Variants in ULK4 observed in about 807,000 individuals in gnomAD.
ULK4 encodes the protein inactive serine/threonine-protein kinase ULK4.
A neutral mutation model predicts 160.6 loss-of-function variants in ULK4; 133 were observed. The ratio of observed to expected loss-of-function variants is 0.83; its 90% CI spans 0.72 to 0.96. The LOEUF (loss-of-function observed/expected upper bound fraction) is 0.96. Ranked by LOEUF, ULK4 falls within the 40% of genes least tolerant of loss-of-function variation. The pLI is 0.00. For missense variants in ULK4, 1,580 were observed against 1,499.5 expected (o/e 1.05, Z -0.89); for synonymous variants, 534 against 539.8 (o/e 0.99, Z 0.15).
Position 41,587,129 on chromosome 3 carries a change from G to A in ULK4, c.3121-20999C>T, listed in dbSNP as rs150931108. On this transcript the variant is annotated intron_variant, in intron 31 of 36. Transcript: ENST00000301831. ...GATTGCTAACAGAATTCAGTTGATT[G>A]TGGTTGTAAGACTGAAGTGTCTGTT... Among the ~76,000 whole-genome samples the A allele has an allele frequency of 2.1e-4, 32 of 152,266 alleles. 1 individual carries two copies. In the East Asian group the frequency reaches 6.0e-3, roughly 29 times the overall value.
intron 32 of ULK4, among the ~76,000 whole-genome samples, chr3:41,499,817 T>C (rs1313361331): frequency 6.6e-6 from 1 of 152,200 alleles, no homozygotes; most frequent in Non-Finnish European, 1.5e-5. Context: ...TATGAGAGTT[T>C]TGATTAGTGA....
chr3:41,358,239 C>A (rs2081065363), intron 35 of ULK4, among the ~76,000 whole-genome samples: 1 of 152,164 alleles, frequency 6.6e-6, no homozygotes, highest in African/African-American at 2.4e-5. Flanking sequence ...AAAAACTACT[C>A]ATTTATTTAA....
intron 35 of ULK4, among the ~76,000 whole-genome samples, chr3:41,262,577 CTCTCTGT>C: frequency 6.6e-6 from 1 of 152,308 alleles, no homozygotes; most frequent in Admixed American, 6.5e-5. Context: ...GCCCAAACTC[CTCTCTGT>C]ACCTGTGGGC....
chr3:41,672,886 G>T (rs920427046), intron 29 of ULK4, among the ~76,000 whole-genome samples: 3 of 152,068 alleles, frequency 2.0e-5, no homozygotes, highest in African/African-American at 4.8e-5. Context: ...ACCGAGGCTG[G>T]AGTACAGTGG....
At chr3:41,363,718 A>G (rs777589334) in intron 35 of ULK4, among the ~76,000 whole-genome samples, 15 of 152,156 alleles carry the variant, frequency 9.9e-5, no homozygotes, top group Admixed American at 2.0e-4. Flanking sequence ...TCCAAAGTAT[A>G]TATCTGTGGG....
intron 32 of ULK4, among the ~76,000 whole-genome samples, chr3:41,516,865 G>A (rs1189790636): frequency 1.3e-5 from 2 of 152,130 alleles, no homozygotes; most frequent in Admixed American, 1.3e-4. Context: ...AACGCTTGAT[G>A]GGATGAATAC....
intron 32 of ULK4, among the ~76,000 whole-genome samples, chr3:41,558,147 G>A (rs1175387047): frequency 2.0e-5 from 3 of 152,076 alleles, no homozygotes; most frequent in African/African-American, 7.2e-5. Context: ...CTGTGTGAAA[G>A]GATACATGTA....
intron 17 of ULK4, among the ~76,000 whole-genome samples, chr3:41,864,353 G>A (rs2042570030): frequency 2.6e-5 from 2 of 77,606 alleles, no homozygotes; most frequent in Non-Finnish European, 4.3e-5. Flanking sequence ...GAACTGTTTT[G>A]TTTTGTTTTG....
intron 35 of ULK4, among the ~76,000 whole-genome samples, chr3:41,357,662 G>A (rs190279065): frequency 6.6e-6 from 1 of 152,276 alleles, no homozygotes; most frequent in East Asian, 1.9e-4. Context: ...CTCAGAACAT[G>A]TTTGTCGAAC....
chr3:41,746,630 C>A (rs916412520), intron 22 of ULK4, among the ~76,000 whole-genome samples: 1 of 151,654 alleles, frequency 6.6e-6, no homozygotes, highest in African/African-American at 2.4e-5. Context: ...TATAAACAAG[C>A]TCATTCCAAA....
At chr3:41,532,153 C>A (rs2086341683) in intron 32 of ULK4, among the ~76,000 whole-genome samples, 1 of 152,178 alleles carries the variant, frequency 6.6e-6, no homozygotes, top group South Asian at 2.1e-4. Flanking sequence ...ACAAGCTCTG[C>A]TGATTTTTCT....
chr3:41,941,631 C>A (rs1274184669), intron 2 of ULK4, among the ~76,000 whole-genome samples: 1 of 151,338 alleles, frequency 6.6e-6, no homozygotes, highest in African/African-American at 2.4e-5. Flanking sequence ...GTGGCACATG[C>A]CTGTGGTCCC....
intron 35 of ULK4, among the ~76,000 whole-genome samples, chr3:41,310,449 G>T (rs150103436): frequency 6.6e-6 from 1 of 152,282 alleles, no homozygotes; most frequent in East Asian, 1.9e-4. Context: ...GAAGCTGGGA[G>T]GGCGGGGGAA....
At chr3:41,647,017 T>C (rs1159202321) in intron 30 of ULK4, among the ~76,000 whole-genome samples, 1 of 152,246 alleles carries the variant, frequency 6.6e-6, no homozygotes, top group Non-Finnish European at 1.5e-5. Context: ...CTTCATGTAG[T>C]TCTCGAGCCT....
intron 34 of ULK4, among the ~76,000 whole-genome samples, chr3:41,425,865 C>A (rs1192917895): frequency 6.6e-6 from 1 of 152,178 alleles, no homozygotes; most frequent in African/African-American, 2.4e-5. Flanking sequence ...GAAGCAACTA[C>A]ATTAACAAGT....
chr3:41,774,973 C>A (rs1279395075), intron 21 of ULK4, among the ~76,000 whole-genome samples: 1 of 148,472 alleles, frequency 6.7e-6, no homozygotes, highest in Non-Finnish European at 1.5e-5. Flanking sequence ...ATTGCAAGGA[C>A]AAAAAACCAA....
At chr3:41,559,727 A>T (rs6599163) in intron 32 of ULK4, among the ~76,000 whole-genome samples, 75,006 of 151,552 alleles carry the variant, frequency 0.49, 18,720 homozygotes, top group Middle Eastern at 0.59. Flanking sequence ...GGAGTTGTTT[A>T]TTTTCTTGTA....
At chr3:41,454,769 T>C (rs925342239) in intron 34 of ULK4, among the ~76,000 whole-genome samples, 4 of 152,048 alleles carry the variant, frequency 2.6e-5, no homozygotes, top group Non-Finnish European at 5.9e-5. Context: ...CTTGGTTCAC[T>C]GCAACCTCTG....
intron 12 of ULK4, among the ~76,000 whole-genome samples, chr3:41,906,214 C>G (rs1295519753): frequency 2.1e-4 from 1 of 4,826 alleles, no homozygotes; most frequent in East Asian, 0.056. Context: ...GAGACTCCGT[C>G]TCAAAAAAAA....
Sources: gnomAD v4.1 joint callset for allele counts (sites outside exome capture counted in the v4.1 genomes callset) on GRCh38, gnomAD v4.1.1 for gene constraint, MANE v1.5 for transcripts, NCBI Gene and HGNC (gene_info 2026-07-23, HGNC 2026-07-21) for gene names.